The following ZBED6 variants were observed in gnomAD, a reference collection of about 807,000 sequenced individuals.
The protein encoded by ZBED6 is zinc finger BED domain-containing protein 6.
Under a neutral mutation model 58.4 loss-of-function variants are expected in ZBED6, and 40 were observed. The ratio of observed to expected loss-of-function variants is 0.68; its 90% CI spans 0.53 to 0.89. The LOEUF (loss-of-function observed/expected upper bound fraction) is 0.89, where lower values mean the gene tolerates loss of function less well. Among genes scored for constraint, ZBED6 ranks in the 40% least tolerant of loss-of-function variants. ZBED6 has a pLI of 0.00. For missense variants in ZBED6, 1,057 were observed against 1,003.9 expected (o/e 1.05, Z -0.71); for synonymous variants, 439 against 350.6 (o/e 1.25, Z -2.82).
chr1:203,827,637 G>A (rs868233856), intron 3 of ZBED6, among the ~76,000 whole-genome samples: 1 of 150,652 alleles, frequency 6.6e-6, no homozygotes, highest in Non-Finnish European at 1.5e-5. Context: ...AGCGGAGATC[G>A]CGCCACTGCA....
chr1:203,853,495 A>C (rs1689662148), exon 17 of ZBED6: 3 of 152,484 alleles, frequency 2.0e-5, no homozygotes, highest in Admixed American at 6.6e-5. Context: ...CTCAAGGTTT[A>C]GATTTGTGAA....
exon 1 of ZBED6, chr1:203,797,959 C>T (rs1445266021): frequency 1.3e-6 from 2 of 1,535,698 alleles, no homozygotes; most frequent in Non-Finnish European, 1.7e-6. Flanking sequence ...CCCCAGTACA[C>T]CTGGCGGGCC....
chr1:203,820,793 C>T (rs868313309), intron 3 of ZBED6, among the ~76,000 whole-genome samples: 3 of 152,042 alleles, frequency 2.0e-5, no homozygotes, highest in Admixed American at 6.5e-5. Flanking sequence ...ATTTTTGTTG[C>T]ATATCATCCC....
intron 8 of ZBED6, among the ~76,000 whole-genome samples, chr1:203,832,562 T>C (rs916366278): frequency 6.6e-6 from 1 of 152,160 alleles, no homozygotes; most frequent in Non-Finnish European, 1.5e-5. Context: ...GGTTTCACCA[T>C]GTTGGCCACA....
chr1:203,838,021 A>C (rs781190708), exon 10 of ZBED6: 2 of 1,614,224 alleles, frequency 1.2e-6, no homozygotes, highest in South Asian at 2.2e-5. Context: ...TAGGGAAGAA[A>C]GTTGAAGCTC....
Position 203,798,187 on chromosome 1 carries a change from C to G in ZBED6, c.665C>G (p.Pro222Arg), listed in dbSNP as rs187873517. 1.9e-5 allele frequency: 29 copies of G among 1,536,126 alleles called. No homozygotes were observed. The East Asian group carries it at 7.1e-4, about 38-fold the overall frequency. ...AGCTTTGAATATATTCCTACTGATC[C>G]ATTAGATGATAATAGAATGGGCAAG... Residue 222 changes from proline to arginine, a missense_variant, in exon 1 of 17, where the codon CCA (proline) becomes CGA (arginine). By Grantham distance (103) the Pro-to-Arg change is moderately radical (BLOSUM62 -2). Coordinates refer to ENST00000550078, the Ensembl canonical transcript of ZBED6.
exon 1 of ZBED6, chr1:203,798,554 T>G (rs1260894495): frequency 6.5e-7 from 1 of 1,536,110 alleles, no homozygotes; most frequent in Admixed American, 2.0e-5. Flanking sequence ...ATCTCTTGAG[T>G]GATACCTTGC....
chr1:203,838,123 A>C (rs1684952078), intron 10 of ZBED6, 59 bp downstream of exon 10: 30 of 1,470,740 alleles, frequency 2.0e-5, no homozygotes, highest in Non-Finnish European at 2.8e-5. Flanking sequence ...GTGTCTTGTA[A>C]TGCTAACAGC....
intron 11 of ZBED6, among the ~76,000 whole-genome samples, chr1:203,840,916 G>A (rs1422514315): frequency 2.0e-5 from 3 of 152,042 alleles, no homozygotes; most frequent in African/African-American, 2.4e-5. Flanking sequence ...TTACAGGCAC[G>A]AGCCACCGCA....
intron 3 of ZBED6, among the ~76,000 whole-genome samples, chr1:203,820,935 C>T (rs1678436437): frequency 6.6e-6 from 1 of 152,080 alleles, no homozygotes; most frequent in South Asian, 2.1e-4. Flanking sequence ...TGGAGAGGTA[C>T]TTTTAGACCC....
chr1:203,799,599 A>G (rs982853464), exon 1 of ZBED6: 8 of 702,948 alleles, frequency 1.1e-5, no homozygotes, highest in Non-Finnish European at 2.1e-5. Flanking sequence ...TGATATTCTT[A>G]AGCCATTTGA....
chr1:203,844,689 T>TG (rs1687393723), intron 11 of ZBED6, among the ~76,000 whole-genome samples: 1 of 152,158 alleles, frequency 6.6e-6, no homozygotes, highest in South Asian at 2.1e-4. Flanking sequence ...TCTGGCTAAG[T>TG]GGAGAGGGTG....
chr1:203,847,333 T>A (rs749912079), exon 12 of ZBED6: 30 of 1,613,342 alleles, frequency 1.9e-5, no homozygotes, highest in Non-Finnish European at 2.5e-5. Flanking sequence ...AGCAAGAAGC[T>A]CCTCCACTAT....
chr1:203,847,295 C>G (rs776725913), exon 12 of ZBED6: 5 of 1,613,744 alleles, frequency 3.1e-6, no homozygotes, highest in African/African-American at 1.3e-5. Context: ...ACAGAAGGAC[C>G]TTCAAAAACT....
intron 9 of ZBED6, among the ~76,000 whole-genome samples, chr1:203,835,158 C>T (rs1307412270): frequency 1.3e-5 from 2 of 152,180 alleles, no homozygotes; most frequent in African/African-American, 2.4e-5. Flanking sequence ...ATGCACTTTA[C>T]GCTCTAAGTA....
At chr1:203,850,108 A>C in intron 14 of ZBED6, 82 bp downstream of exon 14, 1 of 1,296,486 alleles carries the variant, frequency 7.7e-7, no homozygotes, top group Non-Finnish European at 1.1e-6. Context: ...ACTTCCTGGC[A>C]ACAATTGGGT....
chr1:203,820,032 C>G (rs1033149326), intron 3 of ZBED6, among the ~76,000 whole-genome samples: 19 of 151,160 alleles, frequency 1.3e-4, no homozygotes, highest in Admixed American at 1.1e-3. Context: ...ATCAGGAGTT[C>G]GAGACCAGCC....
At chr1:203,813,092 A>G (rs1270545637) in intron 1 of ZBED6, among the ~76,000 whole-genome samples, 1 of 152,126 alleles carries the variant, frequency 6.6e-6, no homozygotes, top group Non-Finnish European at 1.5e-5. Context: ...ATGTTTTGCA[A>G]ATATTTTCTC....
At chr1:203,847,046 T>G (rs1281507687) in intron 11 of ZBED6, 138 bp from the exon 12 acceptor site, 2 of 921,224 alleles carry the variant, frequency 2.2e-6, no homozygotes, top group Non-Finnish European at 3.3e-6. Flanking sequence ...GAAATAAATG[T>G]TACCCTTTTG....
Sources: gnomAD v4.1 joint callset for allele counts (sites outside exome capture counted in the v4.1 genomes callset) on GRCh38, gnomAD v4.1.1 for gene constraint, MANE v1.5 for transcripts, NCBI Gene and HGNC (gene_info 2026-07-23, HGNC 2026-07-21) for gene names.